TUB: variants seen among roughly 807,000 people sequenced by gnomAD.
TUB encodes the protein tubby protein homolog.
In TUB, 33 loss-of-function variants were observed where a neutral mutation model predicts 59.7. The observed-to-expected ratio is 0.55, with a 90% CI of 0.42 to 0.74. The LOEUF is 0.74. Ranked by LOEUF, TUB falls within the 30% of genes least tolerant of loss-of-function variation. The pLI is 0.00. For synonymous variants in TUB, 293 were observed against 256.4 expected (o/e 1.14, Z -1.36); for missense variants, 659 against 672.0 (o/e 0.98, Z 0.21).
At chr11:8,056,803 G>C (rs1943028075) in intron 2 of TUB, among the ~76,000 whole-genome samples, 1 of 151,990 alleles carries the variant, frequency 6.6e-6, no homozygotes, top group South Asian at 2.1e-4. Context: ...GGGAGGGTGA[G>C]GGGTGTGCAG....
chr11:8,101,429 T>C, intron 11 of TUB, 57 bp from the exon 12 acceptor site: 1 of 1,606,480 alleles, frequency 6.2e-7, no homozygotes, highest in Non-Finnish European at 8.5e-7. Context: ...TATCCTTCCC[T>C]GGCTCTACCA....
At chr11:8,098,368 T>A (rs1944100184) in intron 8 of TUB, among the ~76,000 whole-genome samples, 1 of 152,112 alleles carries the variant, frequency 6.6e-6, no homozygotes, top group African/African-American at 2.4e-5. Flanking sequence ...GGACTGAGAC[T>A]TAGGCTGGCT....
At chr11:8,037,761 C>T (rs12799847), upstream of TUB, among the ~76,000 whole-genome samples, 23,956 of 152,086 alleles carry the variant, frequency 0.16, 2,319 homozygotes, top group Middle Eastern at 0.24. Context: ...GATCATCGGG[C>T]GGACTAAAGT....
chr11:8,102,529 G>A lies in TUB; in HGVS notation c.*910G>A, dbSNP rs1944351064. 1 of 152,284 alleles carries A rather than the reference G, an allele frequency of 6.6e-6. No individual in the cohort carries two copies. The highest frequency in any genetic ancestry group is 2.4e-5 in the African/African-American group (1 of 41,438). 9.4% of individuals were successfully genotyped at this position (152,284 alleles called of 1,614,324 possible). On this transcript the variant is annotated 3_prime_UTR_variant, in exon 12 of 12. Transcript: ENST00000299506. ...CAGGTCACCAGCCTGACTGCACACAGCTAGGCATGCCTGGGAATCCTGCTG... is the reference window on the plus strand; with the variant it reads ...CAGGTCACCAGCCTGACTGCACACAACTAGGCATGCCTGGGAATCCTGCTG...
In TUB at chr11:8,095,571, C is replaced by T. The variant is rs1233341672; in HGVS notation, c.471C>T (p.Gly157=). 6.2e-7 allele frequency: 1 copy of T among 1,613,182 alleles called. No homozygotes were observed. The highest frequency in any genetic ancestry group is 1.7e-4 in the Middle Eastern group (1 of 6,054). The change falls in exon 5 of 12, where the codon GGC becomes GGT. Residue 157 remains glycine (G), a synonymous_variant. Coordinates refer to ENST00000299506, the MANE Select transcript of TUB (RefSeq NM_177972.3). ...GCCCAGTGCAGATTCTGACTGTGGG[C>T]CAGTCAGACCACGCCCAGGACGCAG... The part of the protein sequence containing the change: ...AQGPVQILTV[G]QSDHAQDAGE...
chr11:8,086,378 T>TG (rs1943666195), intron 1 of TUB, among the ~76,000 whole-genome samples: 1 of 151,900 alleles, frequency 6.6e-6, no homozygotes, highest in Non-Finnish European at 1.5e-5. Context: ...GCCATCTGGG[T>TG]GGGGGCGGAG....
At chr11:8,066,055 G>T (rs947772896) in intron 2 of TUB, among the ~76,000 whole-genome samples, 1 of 152,158 alleles carries the variant, frequency 6.6e-6, no homozygotes, top group Non-Finnish European at 1.5e-5. Flanking sequence ...TCAGTGCTTG[G>T]GCGGTGGCTA....
rs1273120806 is a variant in TUB, at chr11:8,103,012, A to T, written c.*1393A>T. The T allele has an allele frequency of 6.6e-6, 1 of 152,296 alleles. No homozygotes were observed. Among genetic ancestry groups the T allele is most frequent in the Non-Finnish European group, 1.5e-5 (1 of 68,086 alleles). 9.4% of individuals were successfully genotyped at this position (152,296 alleles called of 1,614,324 possible). On this transcript the variant is annotated 3_prime_UTR_variant, in exon 12 of 12. Transcript: ENST00000299506. ...ATTGAAACCATTCCAGTAGGAAATC[A>T]GGCAGTTCCCTGTTGAAAGTTGTCT... is the stretch of plus-strand genomic sequence containing the variant.
At chr11:8,061,804 C>T (rs73396761) in intron 2 of TUB, among the ~76,000 whole-genome samples, 2,310 of 152,200 alleles carry the variant, frequency 0.015, 53 homozygotes, top group African/African-American at 0.05. Flanking sequence ...TGGGGAACTC[C>T]AAGGTCCCCC....
intron 4 of TUB, 44 bp downstream of exon 4, chr11:8,094,233 C>A: frequency 6.4e-7 from 1 of 1,563,910 alleles, no homozygotes; most frequent in South Asian, 1.2e-5. Flanking sequence ...GGCCTGGCCT[C>A]CACTGTAGGG....
At chr11:8,095,745 C>T in intron 5 of TUB, 80 bp downstream of exon 5, 2 of 1,447,158 alleles carry the variant, frequency 1.4e-6, no homozygotes, top group Non-Finnish European at 1.9e-6. Context: ...GGAGCATGGC[C>T]TTCCTGTGTC....
At position 8,019,389 on chromosome 11, in the gene TUB, G is replaced by C. The variant is rs935585800; in HGVS notation, c.56+31G>C. Reference sequence around the variant, plus strand: ...GCGCCCGAAGGGTGGCCCTGCGTGAGCGCCTGCTGACCCTCGATCTCCTGC... The same window carrying C: ...GCGCCCGAAGGGTGGCCCTGCGTGACCGCCTGCTGACCCTCGATCTCCTGC... On this transcript the variant is annotated intron_variant, in intron 1 of 11. Coordinates refer to the TUB transcript ENST00000534099. 3.2e-6 allele frequency: 4 copies of C among 1,234,730 alleles called. No homozygotes were observed. In the Admixed American group the frequency reaches 1.7e-4, roughly 52 times the overall value. The allele number at this position is 1,234,730 out of a possible 1,614,324, so 76.5% of individuals were successfully genotyped here. A position where few individuals can be genotyped will look rare whatever the true frequency, so the allele number is the denominator to read the frequency against.
rs759354375 is a variant in TUB, at chr11:8,098,888, T to C, written c.1116+13T>C. On this transcript the variant is annotated intron_variant, in intron 9 of 11. Coordinates refer to ENST00000299506, the MANE Select transcript of TUB (RefSeq NM_177972.3). ...AGCTGTGTGCTACGTGAGTCCTAGG[T>C]TCGGGGGTCTCTGATTTCCAAGGTA... 3 of 1,578,952 alleles carry C rather than the reference T, an allele frequency of 1.9e-6. No homozygotes were observed. Among genetic ancestry groups the C allele is most frequent in the Non-Finnish European group, 8.7e-7 (1 of 1,148,538 alleles).
chr11:8,102,817 G>A lies in TUB; in HGVS notation c.*1198G>A, dbSNP rs1944361792. ...CACTCAGAAAATGGGGCTTGCCCTGGGTCACCTAGCTGGTTAATGGCAGCA... is the reference window on the plus strand; with the variant it reads ...CACTCAGAAAATGGGGCTTGCCCTGAGTCACCTAGCTGGTTAATGGCAGCA... On this transcript the variant is annotated 3_prime_UTR_variant, in exon 12 of 12. Coordinates refer to ENST00000299506, the MANE Select transcript of TUB (RefSeq NM_177972.3). 6.6e-6 allele frequency: 1 copy of A among 152,128 alleles called. No homozygotes were observed. The highest frequency in any genetic ancestry group is 2.4e-5 in the African/African-American group (1 of 41,422). The allele number at this position is 152,128 out of a possible 1,614,324, so 9.4% of individuals were successfully genotyped here.
Position 8,101,856 on chromosome 11 carries a change from G to GGCAA in TUB, c.*237_*238insGCAA. The GGCAA allele has an allele frequency of 2.1e-6, 1 of 482,858 alleles. No individual in the cohort carries two copies. Among genetic ancestry groups the GGCAA allele is most frequent in the Non-Finnish European group, 3.4e-6 (1 of 295,354 alleles). 29.9% of individuals were successfully genotyped at this position (482,858 alleles called of 1,614,324 possible). A position where few individuals can be genotyped will look rare whatever the true frequency, so the allele number is the denominator to read the frequency against. On this transcript the variant is annotated 3_prime_UTR_variant, in exon 12 of 12. Coordinates refer to ENST00000299506, the MANE Select transcript of TUB (RefSeq NM_177972.3). ...AAGGGATGAGAATAATTCTTTCCAT[G>GGCAA]CCACGAGATCAACACACACTCCCAC... is the stretch of plus-strand genomic sequence containing the variant.
chr11:8,077,294 A>G (rs1053135031), upstream of TUB: 2 of 152,232 alleles, frequency 1.3e-5, no homozygotes, highest in Non-Finnish European at 2.9e-5. Flanking sequence ...TTTCCAAATT[A>G]TAGGATAATT....
chr11:8,078,969 C>T (rs368097712), upstream of TUB, among the ~76,000 whole-genome samples: 9 of 152,252 alleles, frequency 5.9e-5, no homozygotes, highest in African/African-American at 2.2e-4. Context: ...TCCCATGGTT[C>T]CCCCACATCC....
At chr11:8,044,664 T>C (rs764245165) in intron 2 of TUB, among the ~76,000 whole-genome samples, 6 of 152,214 alleles carry the variant, frequency 3.9e-5, no homozygotes, top group Non-Finnish European at 8.8e-5. Flanking sequence ...CTGAAGTTAA[T>C]GCAGACCCCA....
intron 1 of TUB, among the ~76,000 whole-genome samples, chr11:8,028,408 G>A (rs990129356): frequency 2.6e-5 from 4 of 152,098 alleles, no homozygotes; most frequent in African/African-American, 7.2e-5. Flanking sequence ...TTCTTGATAA[G>A]GTCCTTTGAA....
Sources: allele counts gnomAD v4.1 joint callset (sites outside exome capture counted in the v4.1 genomes callset), GRCh38; gene constraint gnomAD v4.1.1; transcripts MANE v1.5; gene names NCBI Gene and HGNC (gene_info 2026-07-23, HGNC 2026-07-21).